The following PRMT2 variants were observed in gnomAD, a reference collection of about 807,000 sequenced individuals.
PRMT2 encodes the protein protein arginine N-methyltransferase 2.
Under a neutral mutation model 57.6 loss-of-function variants are expected in PRMT2, and 26 were observed. The observed-to-expected ratio is 0.45, with a 90% CI of 0.33 to 0.63. The LOEUF (loss-of-function observed/expected upper bound fraction) is 0.63. Among genes scored for constraint, PRMT2 ranks in the 20% least tolerant of loss-of-function variants. The pLI is 0.02. For missense variants in PRMT2, 472 were observed against 564.4 expected, an observed-to-expected ratio of 0.84 and a Z score of 1.66; for synonymous variants, 219 against 220.0, an observed-to-expected ratio of 1.00 and a Z score of 0.04.
chr21:46,658,700 C>G lies in PRMT2; in HGVS notation c.655-45C>G, dbSNP rs373746900. ...TGGTGGTGAGAGGCCTGTGCAGCCGCGGGGCCTGTGATGTGTCTCCTGTGT... is the reference window on the plus strand; with the variant it reads ...TGGTGGTGAGAGGCCTGTGCAGCCGGGGGGCCTGTGATGTGTCTCCTGTGT... On this transcript the variant is annotated intron_variant, in intron 7 of 11. Coordinates refer to ENST00000355680, the MANE Select transcript of PRMT2 (RefSeq NM_206962.4). 5.0e-6 allele frequency: 8 copies of G among 1,599,776 alleles called. 1 individual carries two copies. The African/African-American group carries it at 9.4e-5, about 19-fold the overall frequency.
Position 46,660,894 on chromosome 21 carries a change from G to A in PRMT2, c.892G>A (p.Asp298Asn). The change falls in exon 9 of 12, where the codon GAC becomes AAC. Residue 298 changes from aspartate to asparagine, a missense_variant. Transcript: ENST00000355680. ...PKYNHILKPE[D>N]CLSEPCTILQ... ...GTATAACCACATTTTGAAACCAGAAGACTGTCTCTCTGAACCGTGCACTAT... is the reference window on the plus strand; with the variant it reads ...GTATAACCACATTTTGAAACCAGAAAACTGTCTCTCTGAACCGTGCACTAT... The A allele has an allele frequency of 6.2e-7, 1 of 1,613,432 alleles. No homozygotes were observed. The highest frequency in any genetic ancestry group is 1.1e-5 in the South Asian group (1 of 91,070).
rs372991661 is a variant in PRMT2 at position 46,664,277 on chromosome 21, G to T, written c.1270-18G>T. Reference sequence around the variant, plus strand: ...TGATTTATCATCTGATTGACCTGTTGTCATTTATCTTTTTCAGGTTGGAGA... The same window carrying T: ...TGATTTATCATCTGATTGACCTGTTTTCATTTATCTTTTTCAGGTTGGAGA... On this transcript the variant is annotated intron_variant, in intron 11 of 11. Transcript: ENST00000355680. 1.1e-5 allele frequency: 17 copies of T among 1,583,400 alleles called. No individual in the cohort carries two copies. Among genetic ancestry groups the T allele is most frequent in the Non-Finnish European group, 7.8e-6 (9 of 1,152,244 alleles).
intron 5 of PRMT2, among the ~76,000 whole-genome samples, chr21:46,646,940 C>T (rs755252341): frequency 3.3e-5 from 5 of 152,196 alleles, no homozygotes; most frequent in Non-Finnish European, 7.3e-5. Context: ...GCTGTCCTCA[C>T]GTGGTGAAGG....
chr21:46,658,585 C>T, intron 7 of PRMT2, 160 bp from the exon 8 acceptor site: 3 of 1,330,618 alleles, frequency 2.3e-6, no homozygotes, highest in East Asian at 2.6e-5. Context: ...AAAATAAACC[C>T]TCGAGATGTT....
chr21:46,659,888 G>T (rs2061594790), intron 8 of PRMT2: 1 of 985,244 alleles, frequency 1.0e-6, no homozygotes, highest in South Asian at 4.7e-5. Flanking sequence ...ATTTAGAAAG[G>T]GTTTAAGAGA....
Position 46,661,806 on chromosome 21 carries a change from AG to A in PRMT2, c.971del (p.Gly324AlafsTer53). 1 of 1,436,822 alleles carries A rather than the reference AG, an allele frequency of 7.0e-7. No individual in the cohort carries two copies. Among genetic ancestry groups the A allele is most frequent in the Non-Finnish European group, 9.2e-7 (1 of 1,084,760 alleles). 89.0% of individuals were successfully genotyped at this position (1,436,822 alleles called of 1,614,324 possible). ...TVQISDLETLRGELRFDIRKA... is the reference protein window; with the variant it reads ...TVQISDLETLXGELRFDIRKA... Reference sequence around the variant, plus strand: ...TGTCATCTGCTTGACCCAGACCCTGAGGGGCGAGCTGCGCTTCGACATCAGG... The same window carrying A: ...TGTCATCTGCTTGACCCAGACCCTGAGGGCGAGCTGCGCTTCGACATCAGG... On this transcript the variant is annotated frameshift_variant, in exon 10 of 12. Coordinates refer to ENST00000355680, the MANE Select transcript of PRMT2 (RefSeq NM_206962.4). LOFTEE classifies it high-confidence loss of function.
At position 46,663,452 on chromosome 21, in the gene PRMT2, C is replaced by G. The variant is rs768172658; in HGVS notation, c.1167C>G (p.Val389=). The G allele has an allele frequency of 6.2e-7, 1 of 1,614,180 alleles. No individual in the cohort carries two copies. The highest frequency in any genetic ancestry group is 8.5e-7 in the Non-Finnish European group (1 of 1,180,030). Reference sequence around the variant, plus strand: ...TCCCTGTCCATACAGGAGACGTGGTCACGGGTTCAGTTGTGTTGCAGAGAA... The same window carrying G: ...TCCCTGTCCATACAGGAGACGTGGTGACGGGTTCAGTTGTGTTGCAGAGAA... ...DPVPVHTGDV[V]TGSVVLQRNP... The change falls in exon 11 of 12, where the codon GTC becomes GTG. Residue 389 remains valine (V), a synonymous_variant. Transcript: ENST00000355680.
chr21:46,645,118 T>C (rs538398859), intron 5 of PRMT2, among the ~76,000 whole-genome samples: 1 of 109,590 alleles, frequency 9.1e-6, no homozygotes, highest in South Asian at 3.3e-4. Context: ...AAAAATATAA[T>C]TAGCTGGGCA....
At chr21:46,659,707 GGCTGCCCACCCCAGTCACTGCCAGA>G in intron 8 of PRMT2, 1 of 984,068 alleles carries the variant, frequency 1.0e-6, no homozygotes, top group Non-Finnish European at 1.2e-6. Flanking sequence ...GTTGGCATCA[GGCTGCCCACCCCAGTCACTGCCAGA>G]GCCTCCCACC....
At chr21:46,661,472 G>C (rs2061619544) in intron 9 of PRMT2, 1 of 193,616 alleles carries the variant, frequency 5.2e-6, no homozygotes, top group Non-Finnish European at 1.0e-5. Context: ...TGGCGCCGGC[G>C]CGCTTTGGTT....
intron 8 of PRMT2, among the ~76,000 whole-genome samples, 187 bp from the exon 9 acceptor site, chr21:46,660,646 C>T (rs1296394057): frequency 1.3e-5 from 2 of 152,134 alleles, no homozygotes; most frequent in Non-Finnish European, 2.9e-5. Flanking sequence ...TCTGGGTCTT[C>T]TCAGAGCGGG....
At chr21:46,660,257 G>A in intron 8 of PRMT2, 1 of 716,450 alleles carries the variant, frequency 1.4e-6, no homozygotes, top group Non-Finnish European at 1.7e-6. Flanking sequence ...GACATGCAGG[G>A]GCCATGCGGC....
At chr21:46,651,859 T>G in intron 7 of PRMT2, 13 of 1,612,952 alleles carry the variant, frequency 8.1e-6, no homozygotes, top group South Asian at 1.1e-5. Context: ...CGTCTGGCCC[T>G]CTTCACGTCC....
chr21:46,641,220 T>TATTGCAGC (rs1353251502), intron 3 of PRMT2, among the ~76,000 whole-genome samples: 1 of 152,186 alleles, frequency 6.6e-6, no homozygotes, highest in East Asian at 1.9e-4. Context: ...AGACTTCTTT[T>TATTGCAGC]ATTGCAGCAT....
chr21:46,649,635 G>T lies in PRMT2; in HGVS notation c.550G>T (p.Gly184Cys). The change falls in exon 7 of 12, where the codon GGC becomes TGC. Residue 184 changes from glycine (G) to cysteine (C), a missense_variant. Gly to Cys is a radical substitution (Grantham distance 159). Coordinates refer to ENST00000355680, the MANE Select transcript of PRMT2 (RefSeq NM_206962.4). The surrounding 1 kb of genome is among the most constrained non-coding windows in gnomAD (Gnocchi z 4.8). ...QHTGQLVLQN[G>C]FADIITVYQQ... is the part of the protein sequence containing the mutation. Reference sequence around the variant, plus strand: ...CACGGGGCAGCTGGTCCTGCAGAACGGCTTTGCTGACATCATCACCGTGTA... The same window carrying T: ...CACGGGGCAGCTGGTCCTGCAGAACTGCTTTGCTGACATCATCACCGTGTA... The T allele has an allele frequency of 1.9e-6, 3 of 1,614,112 alleles. No homozygotes were observed. The highest frequency in any genetic ancestry group is 2.5e-6 in the Non-Finnish European group (3 of 1,180,030).
chr21:46,645,810 G>A (rs2061356831), intron 5 of PRMT2, among the ~76,000 whole-genome samples: 3 of 151,424 alleles, frequency 2.0e-5, no homozygotes, highest in East Asian at 1.9e-4. Flanking sequence ...TCTGCCTCCC[G>A]GGTTCAAGCA....
At chr21:46,646,461 A>C (rs937321313) in intron 5 of PRMT2, among the ~76,000 whole-genome samples, 1 of 152,224 alleles carries the variant, frequency 6.6e-6, no homozygotes, top group African/African-American at 2.4e-5. Flanking sequence ...TTTTTAATGT[A>C]TAGAAAAGGC....
At chr21:46,644,027 G>A (rs1320986668) in intron 4 of PRMT2, among the ~76,000 whole-genome samples, 1 of 152,210 alleles carries the variant, frequency 6.6e-6, no homozygotes, top group African/African-American at 2.4e-5. Flanking sequence ...GAGTTACAAT[G>A]AAGAGGCTGT....
intron 7 of PRMT2, among the ~76,000 whole-genome samples, chr21:46,650,992 G>GT (rs2061441069): frequency 1.3e-5 from 2 of 152,364 alleles, no homozygotes; most frequent in Admixed American, 6.5e-5. Context: ...AGTGCCACTG[G>GT]TGTGTGAGTG....
Sources: gnomAD v4.1 joint callset for allele counts (sites outside exome capture counted in the v4.1 genomes callset) on GRCh38, gnomAD v4.1.1 for gene constraint, Gnocchi (gnomAD v3.1) non-coding constraint, MANE v1.5 for transcripts, NCBI Gene and HGNC (gene_info 2026-07-23, HGNC 2026-07-21) for gene names.